FGGY: variants seen among roughly 807,000 people sequenced by gnomAD.
The protein encoded by FGGY is FGGY carbohydrate kinase domain containing, also known as FGGY carbohydrate kinase domain-containing protein.
A neutral mutation model predicts 71.3 loss-of-function variants in FGGY; 72 were observed. That is an observed-to-expected ratio of 1.01 (90% CI 0.84 to 1.23). The LOEUF (loss-of-function observed/expected upper bound fraction) is 1.23, where lower values mean the gene tolerates loss of function less well. Ranked by LOEUF, FGGY falls within the 50% of genes most tolerant of loss-of-function variation. The pLI, the probability that FGGY is intolerant of heterozygous loss-of-function variation, is 0.00. For missense variants in FGGY, 668 were observed against 682.3 expected, an observed-to-expected ratio of 0.98 and a Z score of 0.23; for synonymous variants, 251 against 250.3, an observed-to-expected ratio of 1.00 and a Z score of -0.02.
chr1:59,380,055 T>C (rs1373104864), intron 5 of FGGY, among the ~76,000 whole-genome samples: 4 of 152,142 alleles, frequency 2.6e-5, no homozygotes, highest in South Asian at 2.1e-4. Context: ...GTCTGGTTTT[T>C]TGTCCTTGCG....
intron 4 of FGGY, among the ~76,000 whole-genome samples, chr1:59,367,101 T>G (rs2056726257): frequency 6.6e-6 from 1 of 152,196 alleles, no homozygotes; most frequent in Non-Finnish European, 1.5e-5. Context: ...TCGCACCATC[T>G]TTAATAAAGG....
At chr1:59,473,627 G>A (rs1253078326) in intron 6 of FGGY, among the ~76,000 whole-genome samples, 1 of 152,232 alleles carries the variant, frequency 6.6e-6, no homozygotes, top group Non-Finnish European at 1.5e-5. Context: ...CCTGAAGCAA[G>A]GTGGAGAGGA....
chr1:59,606,867 C>T (rs1054694316), intron 8 of FGGY, among the ~76,000 whole-genome samples: 2 of 151,874 alleles, frequency 1.3e-5, no homozygotes, highest in Admixed American at 6.6e-5. Context: ...ATCTCATGAA[C>T]CACACTATAT....
intron 12 of FGGY, among the ~76,000 whole-genome samples, chr1:59,664,496 GCCTGCTAATCGCAAGCC>G (rs2097306113): frequency 6.6e-6 from 1 of 152,128 alleles, no homozygotes; most frequent in African/African-American, 2.4e-5. Context: ...CTTGTCTCAG[GCCTGCTAATCGCAAGCC>G]CCTAGGTCCC....
chr1:59,440,247 A>G (rs1260570128), intron 5 of FGGY, among the ~76,000 whole-genome samples: 1 of 152,168 alleles, frequency 6.6e-6, no homozygotes, highest in African/African-American at 2.4e-5. Context: ...AAAAAGGAAC[A>G]TGTACACTCC....
rs116845161 is a variant in FGGY, at chr1:59,399,931, G to A, written c.554+21094G>A. Among the ~76,000 whole-genome samples the A allele has an allele frequency of 9.2e-5, 14 of 152,284 alleles. No individual in the cohort carries two copies. In the East Asian group the frequency reaches 2.7e-3, roughly 29 times the overall value. On this transcript the variant is annotated intron_variant, in intron 5 of 15. Coordinates refer to ENST00000303721, the MANE Select transcript of FGGY (RefSeq NM_018291.5). ...AGGAACATCACAAATGTTCAAAATCGTGGATGGACTTGAACATGAAAATGC... is the reference window on the plus strand; with the variant it reads ...AGGAACATCACAAATGTTCAAAATCATGGATGGACTTGAACATGAAAATGC...
chr1:59,373,762 A>C (rs2058145706), intron 4 of FGGY, among the ~76,000 whole-genome samples: 1 of 152,118 alleles, frequency 6.6e-6, no homozygotes, highest in Admixed American at 6.5e-5. Context: ...GCATATCTAC[A>C]ACTATCTGAT....
chr1:59,702,661 G>A (rs1395797133), intron 14 of FGGY, among the ~76,000 whole-genome samples: 1 of 152,188 alleles, frequency 6.6e-6, no homozygotes, highest in Non-Finnish European at 1.5e-5. Flanking sequence ...TCTAGTCTTT[G>A]CTGTACTACT....
At chr1:59,408,987 T>G (rs1167994749) in intron 5 of FGGY, among the ~76,000 whole-genome samples, 1 of 152,210 alleles carries the variant, frequency 6.6e-6, no homozygotes, top group African/African-American at 2.4e-5. Context: ...TTTTGTTTTC[T>G]TATTTAACTT....
At chr1:59,677,857 C>T (rs772054542) in intron 14 of FGGY, among the ~76,000 whole-genome samples, 26 of 152,162 alleles carry the variant, frequency 1.7e-4, no homozygotes, top group Non-Finnish European at 3.2e-4. Flanking sequence ...CTTAGTTTGT[C>T]TCTGTCTCTC....
At chr1:59,588,137 C>T (rs575803164) in intron 8 of FGGY, among the ~76,000 whole-genome samples, 23 of 152,154 alleles carry the variant, frequency 1.5e-4, no homozygotes, top group Non-Finnish European at 2.9e-4. Context: ...TCGAGAACTA[C>T]GTGAAGAATG....
chr1:59,755,083 CAG>C (rs2098278824), intron 14 of FGGY: 1 of 152,204 alleles, frequency 6.6e-6, no homozygotes, highest in South Asian at 2.1e-4. Flanking sequence ...AGTAAACCAA[CAG>C]CTCTTTCCTA....
At chr1:59,394,019 A>G (rs546955931) in intron 5 of FGGY, among the ~76,000 whole-genome samples, 160 of 152,320 alleles carry the variant, frequency 1.1e-3, no homozygotes, top group African/African-American at 3.8e-3. Flanking sequence ...AGTTCAGTGG[A>G]GGACCAAAGG....
chr1:59,669,663 G>A (rs1354234126), intron 13 of FGGY, among the ~76,000 whole-genome samples: 1 of 150,422 alleles, frequency 6.6e-6, no homozygotes, highest in Non-Finnish European at 1.5e-5. Flanking sequence ...CCAAAGTTCT[G>A]GGATTACAGG....
intron 2 of FGGY, chr1:59,332,178 T>G (rs922385104): frequency 5.3e-5 from 8 of 152,156 alleles, no homozygotes; most frequent in African/African-American, 1.4e-4. Flanking sequence ...CACAATCCCT[T>G]CCCCAAATAT....
At chr1:59,306,845 C>T (rs2043508236) in intron 1 of FGGY, among the ~76,000 whole-genome samples, 1 of 152,154 alleles carries the variant, frequency 6.6e-6, no homozygotes, top group Non-Finnish European at 1.5e-5. Flanking sequence ...AATATATTAC[C>T]AGTCCCTTAA....
chr1:59,542,644 TG>T (rs780225951), intron 7 of FGGY, among the ~76,000 whole-genome samples: 7 of 151,750 alleles, frequency 4.6e-5, no homozygotes, highest in African/African-American at 9.7e-5. Context: ...TTAGTAGAGA[TG>T]GGGTTTCTCC....
At chr1:59,324,933 A>T (rs2047111336) in intron 2 of FGGY, among the ~76,000 whole-genome samples, 1 of 152,146 alleles carries the variant, frequency 6.6e-6, no homozygotes, top group Non-Finnish European at 1.5e-5. Flanking sequence ...ATTTCTCTAG[A>T]ATTCTTTGCT....
chr1:59,534,128 G>C (rs1354302487), intron 7 of FGGY, among the ~76,000 whole-genome samples: 1 of 152,162 alleles, frequency 6.6e-6, no homozygotes, highest in African/African-American at 2.4e-5. Flanking sequence ...ATACAGAGAA[G>C]TGCTTAAAGG....
Sources: gnomAD v4.1 joint callset for allele counts (sites outside exome capture counted in the v4.1 genomes callset) on GRCh38, gnomAD v4.1.1 for gene constraint, MANE v1.5 for transcripts, NCBI Gene and HGNC (gene_info 2026-07-23, HGNC 2026-07-21) for gene names.